TIAM1: variants seen among roughly 807,000 people sequenced by gnomAD.
TIAM1 encodes TIAM Rac1 associated GEF 1, also known as rho guanine nucleotide exchange factor TIAM1.
TIAM1 carries 65 observed loss-of-function variants against 163.5 expected under a neutral mutation model. The observed-to-expected ratio is 0.40, with a 90% confidence interval of 0.33 to 0.49. The LOEUF (loss-of-function observed/expected upper bound fraction) is 0.49, where lower values mean the gene tolerates loss of function less well. TIAM1 is among the 20% of genes least tolerant of loss of function. The pLI is 0.77. For missense variants in TIAM1, 1,789 were observed against 2,044.7 expected (o/e 0.87, Z 2.41); for synonymous variants, 833 against 810.1 (o/e 1.03, Z -0.48).
At chr21:31,524,464 A>T (rs1211058430) in intron 1 of TIAM1, among the ~76,000 whole-genome samples, 1 of 152,192 alleles carries the variant, frequency 6.6e-6, no homozygotes. Flanking sequence ...AGTTAATCTT[A>T]ACAAGAGATT....
At chr21:31,242,875 A>AG (rs1207516177) in intron 6 of TIAM1, among the ~76,000 whole-genome samples, 11 of 149,894 alleles carry the variant, frequency 7.3e-5, no homozygotes, top group East Asian at 5.9e-4. Flanking sequence ...AAAAAAAAAA[A>AG]AAAAGAAAAA....
intron 15 of TIAM1, among the ~76,000 whole-genome samples, chr21:31,178,303 C>CTTTTTTTTTTTTT (rs10671534): frequency 1.0e-5 from 1 of 96,094 alleles, no homozygotes. Context: ...TTCAGGAATT[C>CTTTTTTTTTTTTT]TTTTTTTTTT....
chr21:31,180,382 G>A (rs963756044), intron 15 of TIAM1, among the ~76,000 whole-genome samples: 2 of 152,144 alleles, frequency 1.3e-5, no homozygotes, highest in African/African-American at 4.8e-5. Flanking sequence ...TTGTCACAAC[G>A]ACTCAACTCT....
intron 2 of TIAM1, among the ~76,000 whole-genome samples, chr21:31,397,717 T>C (rs1305516874): frequency 2.6e-5 from 4 of 152,190 alleles, no homozygotes; most frequent in East Asian, 3.8e-4. Flanking sequence ...GGCAGCTCTG[T>C]GTAAAACAAA....
At chr21:31,223,301 A>G (rs1321580333) in intron 8 of TIAM1, 105 bp downstream of exon 8, 5 of 1,278,606 alleles carry the variant, frequency 3.9e-6, no homozygotes, top group Non-Finnish European at 5.3e-6. Flanking sequence ...AGAAATCCAT[A>G]CACAGCAGGA....
chr21:31,337,502 T>G (rs1402575944), intron 2 of TIAM1, among the ~76,000 whole-genome samples: 2 of 140,144 alleles, frequency 1.4e-5, no homozygotes, highest in Non-Finnish European at 3.0e-5. Context: ...TTGTTGTTTT[T>G]ATTATTATTA....
chr21:31,513,214 C>G (rs1431800415), intron 1 of TIAM1, among the ~76,000 whole-genome samples: 1 of 152,096 alleles, frequency 6.6e-6, no homozygotes, highest in African/African-American at 2.4e-5. Flanking sequence ...CTATTTTAAA[C>G]CCTTCACAAA....
chr21:31,276,518 T>C (rs980274577), intron 3 of TIAM1, among the ~76,000 whole-genome samples: 2 of 152,210 alleles, frequency 1.3e-5, no homozygotes, highest in African/African-American at 4.8e-5. Flanking sequence ...AAGGATTTCA[T>C]AGGCACCTAC....
chr21:31,144,847 A>AG (rs1601272663), intron 20 of TIAM1, among the ~76,000 whole-genome samples: 1 of 150,182 alleles, frequency 6.7e-6, no homozygotes, highest in Non-Finnish European at 1.5e-5. Flanking sequence ...AAAAAAAAAA[A>AG]AAAAAGAAAA....
chr21:31,336,147 C>T (rs1044493112), intron 2 of TIAM1, among the ~76,000 whole-genome samples: 3 of 152,134 alleles, frequency 2.0e-5, no homozygotes, highest in Non-Finnish European at 4.4e-5. Context: ...ACAGACGCCA[C>T]TGGGGAGCGT....
chr21:31,202,840 C>A, intron 12 of TIAM1, 68 bp downstream of exon 12: 1 of 1,437,928 alleles, frequency 7.0e-7, no homozygotes. Context: ...CTACAATTAA[C>A]ACGAGAACAC....
intron 2 of TIAM1, among the ~76,000 whole-genome samples, chr21:31,399,499 AT>A (rs1202068101): frequency 6.6e-6 from 1 of 152,224 alleles, no homozygotes; most frequent in Non-Finnish European, 1.5e-5. Flanking sequence ...AATTGTATGC[AT>A]CCACTGTGGG....
chr21:31,538,192 C>T (rs1338065136), intron 1 of TIAM1, among the ~76,000 whole-genome samples: 4 of 152,194 alleles, frequency 2.6e-5, no homozygotes, highest in Non-Finnish European at 2.9e-5. Flanking sequence ...TGTACAAATA[C>T]AATAACGTAC....
intron 2 of TIAM1, among the ~76,000 whole-genome samples, chr21:31,402,355 G>A (rs758557101): frequency 1.6e-4 from 25 of 152,092 alleles, no homozygotes; most frequent in Non-Finnish European, 2.5e-4. Context: ...CTGAGATGTC[G>A]TCAGAGACCA....
intron 2 of TIAM1, among the ~76,000 whole-genome samples, chr21:31,290,700 G>C (rs1236897486): frequency 1.4e-5 from 2 of 145,996 alleles, no homozygotes; most frequent in Non-Finnish European, 3.0e-5. Context: ...TTATGGAATA[G>C]CTTTTTACCA....
intron 1 of TIAM1, among the ~76,000 whole-genome samples, chr21:31,503,590 G>A: frequency 2.0e-5 from 1 of 48,874 alleles, no homozygotes; most frequent in Non-Finnish European, 4.6e-5. Context: ...GAGAAAGAGA[G>A]GAGGGGAGGG....
chr21:31,144,954 G>T (rs2083043292), intron 20 of TIAM1, among the ~76,000 whole-genome samples: 1 of 152,004 alleles, frequency 6.6e-6, no homozygotes. Context: ...ATCCATGGGG[G>T]CAGAATTTAA....
At chr21:31,475,674 C>T (rs2045914560) in intron 1 of TIAM1, among the ~76,000 whole-genome samples, 1 of 152,186 alleles carries the variant, frequency 6.6e-6, no homozygotes, top group South Asian at 2.1e-4. Context: ...AATCAGTGCA[C>T]TTCACCAAGG....
chr21:31,461,422 T>C (rs2045322667), intron 2 of TIAM1, among the ~76,000 whole-genome samples: 1 of 151,980 alleles, frequency 6.6e-6, no homozygotes, highest in Non-Finnish European at 1.5e-5. Context: ...AGGCGGAGGT[T>C]GGAGTAAACT....
Sources: gnomAD v4.1 joint callset for allele counts (sites outside exome capture counted in the v4.1 genomes callset) on GRCh38, gnomAD v4.1.1 for gene constraint, MANE v1.5 for transcripts, NCBI Gene and HGNC (gene_info 2026-07-23, HGNC 2026-07-21) for gene names.